Variants in IP6K3 observed in about 807,000 individuals in gnomAD.
IP6K3 encodes the protein inositol hexakisphosphate kinase 3.
IP6K3 carries 20 observed loss-of-function variants against 28.8 expected under a neutral mutation model. That is an observed-to-expected ratio of 0.70 (90% CI 0.49 to 1.01). The LOEUF is 1.01. Ranked by LOEUF, IP6K3 falls within the 50% of genes least tolerant of loss-of-function variation. IP6K3 has a pLI of 0.00. For synonymous variants in IP6K3, 213 were observed against 221.3 expected (o/e 0.96, Z 0.33); for missense variants, 480 against 537.1 (o/e 0.89, Z 1.05).
At chr6:33,752,854 T>G in the IP6K3 span, among the ~76,000 whole-genome samples, 1 of 152,248 alleles carries the variant, frequency 6.6e-6, no homozygotes, top group African/African-American at 2.4e-5. Flanking sequence ...TTTGGACTGT[T>G]GTGATGTTTC....
intron 2 of IP6K3, among the ~76,000 whole-genome samples, chr6:33,732,896 C>T (rs1224168988): frequency 1.3e-5 from 2 of 152,250 alleles, no homozygotes; most frequent in Non-Finnish European, 2.9e-5. Context: ...TCCTCCTTCC[C>T]CTACCCCAGG....
chr6:33,742,203 C>A lies in IP6K3; in HGVS notation c.-180+4555G>T, dbSNP rs73743326. On this transcript the variant is annotated intron_variant, in intron 1 of 5. Transcript: ENST00000293756. This position sits in a 1 kb window ranked among gnomAD's most constrained non-coding sequence, Gnocchi z 4.5. ...GCTATCAGGCACCAATGCTGGGACT[C>A]GGCCGTGATGAGTCTGTCTCACTCT... Among the ~76,000 whole-genome samples the A allele has an allele frequency of 0.11, 16,451 of 152,102 alleles. 1,154 individuals carry two copies. Among genetic ancestry groups the A allele is most frequent in the African/African-American group, 0.19 (8,011 of 41,466 alleles).
chr6:33,743,219 G>A (rs946486533), intron 1 of IP6K3, among the ~76,000 whole-genome samples: 1 of 152,202 alleles, frequency 6.6e-6, no homozygotes. Context: ...ATAAATCTTA[G>A]GTGGTGGGGA....
Position 33,735,491 on chromosome 6 carries a change from G to T in IP6K3, c.-15C>A. ...TGCACAACCATGGCGGCAGATGGTGGTGGTGGGGGGTCCCTGCACAGTCTG... is the reference window on the plus strand; with the variant it reads ...TGCACAACCATGGCGGCAGATGGTGTTGGTGGGGGGTCCCTGCACAGTCTG... On this transcript the variant is annotated 5_prime_UTR_variant, in exon 2 of 6. Coordinates refer to ENST00000293756, the MANE Select transcript of IP6K3 (RefSeq NM_054111.5). 1 of 1,604,534 alleles carries T rather than the reference G, an allele frequency of 6.2e-7. No individual in the cohort carries two copies. The highest frequency in any genetic ancestry group is 1.3e-5 in the African/African-American group (1 of 75,024).
At chr6:33,751,483 C>CGTGTGT (rs762389623), upstream of IP6K3, among the ~76,000 whole-genome samples, 138 of 61,592 alleles carry the variant, frequency 2.2e-3, no homozygotes, top group Non-Finnish European at 3.5e-3. This position sits in a 1 kb window ranked among gnomAD's most constrained non-coding sequence, Gnocchi z 4.3. Flanking sequence ...CTCTGCAGGC[C>CGTGTGT]GTGTGTGTGT....
At chr6:33,739,089 C>A (rs1766630744) in intron 1 of IP6K3, 1 of 152,256 alleles carries the variant, frequency 6.6e-6, no homozygotes, top group East Asian at 1.9e-4. Context: ...CCTGCTGCAA[C>A]CTTCCCCTCT....
chr6:33,758,556 C>T, the IP6K3 span, among the ~76,000 whole-genome samples: 2 of 152,104 alleles, frequency 1.3e-5, no homozygotes, highest in Non-Finnish European at 2.9e-5. Context: ...AAACAACAAC[C>T]AACAGGAAAA....
At chr6:33,745,713 A>T (rs1360917469) in intron 1 of IP6K3, among the ~76,000 whole-genome samples, 2 of 152,178 alleles carry the variant, frequency 1.3e-5, no homozygotes, top group Non-Finnish European at 2.9e-5. Flanking sequence ...TGCAGACAGG[A>T]TGCAGACGCT....
intron 1 of IP6K3, among the ~76,000 whole-genome samples, chr6:33,740,629 CG>C (rs1167014030): frequency 2.6e-5 from 4 of 152,184 alleles, no homozygotes; most frequent in Admixed American, 6.5e-5. Flanking sequence ...CCCAAGACCT[CG>C]CTGATGCCAG....
rs777819453 is a variant in IP6K3 at position 33,728,305 on chromosome 6, A to C, written c.200-5T>G. ...AGAGGTGCACTGTGACGGTACCTGCAAACACACAGGGAAGGGGAGGGGAGG... is the reference window on the plus strand; with the variant it reads ...AGAGGTGCACTGTGACGGTACCTGCCAACACACAGGGAAGGGGAGGGGAGG... On this transcript the variant is annotated splice_polypyrimidine_tract_variant and splice_region_variant and intron_variant, in intron 2 of 5. Coordinates refer to ENST00000293756, the MANE Select transcript of IP6K3 (RefSeq NM_054111.5). 6.8e-6 allele frequency: 11 copies of C among 1,613,974 alleles called. No individual in the cohort carries two copies. In the South Asian group the frequency reaches 7.7e-5, roughly 11 times the overall value.
intron 2 of IP6K3, among the ~76,000 whole-genome samples, chr6:33,730,993 G>T (rs564948138): frequency 3.0e-4 from 46 of 152,342 alleles, no homozygotes; most frequent in Admixed American, 2.4e-3. Context: ...AGCCCAGGCT[G>T]CAAGGAGATG....
Position 33,728,280 on chromosome 6 carries a change from A to G in IP6K3, c.220T>C (p.Trp74Arg), listed in dbSNP as rs778443052. The change falls in exon 3 of 6, where the codon TGG becomes CGG. Residue 74 changes from tryptophan (W) to arginine (R), a missense_variant. Physicochemically the swap from Trp to Arg is moderately radical, Grantham distance 101. Coordinates refer to ENST00000293756, the MANE Select transcript of IP6K3 (RefSeq NM_054111.5). ...CTGAGATGGCCTGTGCTGTCTTTCC[A>G]GAGGTGCACTGTGACGGTACCTGCA... Reference protein sequence around the residue: ...QYKGTVTVHLWKDSTGHLSLV... With the variant: ...QYKGTVTVHLRKDSTGHLSLV... The G allele has an allele frequency of 2.5e-6, 4 of 1,614,174 alleles. No homozygotes were observed. The Admixed American group carries it at 6.7e-5, about 27-fold the overall frequency.
chr6:33,730,709 C>T (rs1052235010), intron 2 of IP6K3, among the ~76,000 whole-genome samples: 3 of 152,022 alleles, frequency 2.0e-5, no homozygotes, highest in Non-Finnish European at 4.4e-5. Flanking sequence ...TGACGGTGGG[C>T]GCCTAGGCTC....
At chr6:33,749,725 A>AGG (rs1582236241), upstream of IP6K3, among the ~76,000 whole-genome samples, 1 of 151,584 alleles carries the variant, frequency 6.6e-6, no homozygotes, top group East Asian at 2.0e-4. Context: ...GAAGCAGGTT[A>AGG]GGGGGAGGGC....
chr6:33,721,663 C>G lies in IP6K3; in HGVS notation c.*1057G>C, dbSNP rs1377322866. ...AAGGGTAATAAGGCACACCAATAAT[C>G]ACTGGTGACCTCAGCAATTTTATTA... On this transcript the variant is annotated 3_prime_UTR_variant, in exon 6 of 6. Transcript: ENST00000293756. 6.6e-6 allele frequency: 1 copy of G among 152,610 alleles called. No individual in the cohort carries two copies. The highest frequency in any genetic ancestry group is 1.5e-5 in the Non-Finnish European group (1 of 68,032). The allele number at this position is 152,610 out of a possible 1,614,324, so 9.5% of individuals were successfully genotyped here.
the IP6K3 span, among the ~76,000 whole-genome samples, chr6:33,759,478 C>T: frequency 6.6e-6 from 1 of 152,206 alleles, no homozygotes; most frequent in Non-Finnish European, 1.5e-5. Context: ...GATCCACCCG[C>T]CTTGGCCTCC....
rs572653496 is a variant in IP6K3, at chr6:33,736,904, A to G, written c.-179-1249T>C. Among the ~76,000 whole-genome samples, 157 of 152,334 alleles carry G rather than the reference A, an allele frequency of 1.0e-3. 1 individual carries two copies. Among genetic ancestry groups the G allele is most frequent in the Admixed American group, 6.9e-3 (106 of 15,306 alleles). ...CATGGTTGAGATAAGGCCCGTGGAAAGGACAGCCCAGCACCCAGAGCAAAG... is the reference window on the plus strand; with the variant it reads ...CATGGTTGAGATAAGGCCCGTGGAAGGGACAGCCCAGCACCCAGAGCAAAG... On this transcript the variant is annotated intron_variant, in intron 1 of 5. Transcript: ENST00000293756.
the IP6K3 span, among the ~76,000 whole-genome samples, chr6:33,754,099 G>A: frequency 6.6e-5 from 10 of 152,158 alleles, no homozygotes; most frequent in African/African-American, 1.4e-4. Flanking sequence ...GTGAGCCACC[G>A]CGCCCGGTGG....
chr6:33,730,163 G>C (rs1766266785), intron 2 of IP6K3, among the ~76,000 whole-genome samples: 1 of 152,214 alleles, frequency 6.6e-6, no homozygotes, highest in South Asian at 2.1e-4. Flanking sequence ...CACCTTCTCA[G>C]AGTAAGTGGC....
Sources: gnomAD v4.1 joint callset for allele counts (sites outside exome capture counted in the v4.1 genomes callset) on GRCh38, gnomAD v4.1.1 for gene constraint, Gnocchi (gnomAD v3.1) non-coding constraint, MANE v1.5 for transcripts, NCBI Gene and HGNC (gene_info 2026-07-23, HGNC 2026-07-21) for gene names.